FHIT: variants seen among roughly 807,000 people sequenced by gnomAD.
FHIT encodes the protein bis(5'-adenosyl)-triphosphatase.
Under a neutral mutation model 17.9 loss-of-function variants are expected in FHIT, and 19 were observed. The ratio of observed to expected loss-of-function variants is 1.06; its 90% CI spans 0.74 to 1.56. The LOEUF is 1.56. Ranked by LOEUF, FHIT falls within the 40% of genes most tolerant of loss-of-function variation. The pLI is 0.00. For missense variants in FHIT, 248 were observed against 189.2 expected (o/e 1.31, Z -1.82); for synonymous variants, 81 against 69.7 (o/e 1.16, Z -0.81).
intron 5 of FHIT, among the ~76,000 whole-genome samples, chr3:60,364,181 C>T (rs1700018441): frequency 6.6e-6 from 1 of 152,222 alleles, no homozygotes; most frequent in African/African-American, 2.4e-5. Context: ...TGCCTTTGGT[C>T]TAGGAATAAC....
intron 4 of FHIT, among the ~76,000 whole-genome samples, chr3:60,599,035 T>C (rs2038358114): frequency 6.6e-6 from 1 of 152,168 alleles, no homozygotes; most frequent in African/African-American, 2.4e-5. Flanking sequence ...AATGTATTAA[T>C]GTGCAGTGTT....
At chr3:60,314,969 T>C (rs1009117618) in intron 5 of FHIT, among the ~76,000 whole-genome samples, 42 of 152,290 alleles carry the variant, frequency 2.8e-4, no homozygotes, top group East Asian at 9.7e-4. Context: ...GAACTTACTA[T>C]GCCCAGGCCT....
intron 7 of FHIT, among the ~76,000 whole-genome samples, chr3:59,947,544 G>A (rs1037549005): frequency 6.6e-6 from 1 of 152,048 alleles, no homozygotes; most frequent in African/African-American, 2.4e-5. Flanking sequence ...TGCTCTGAGG[G>A]TTTGATTATG....
chr3:60,261,782 A>G (rs1210334962), intron 5 of FHIT, among the ~76,000 whole-genome samples: 2 of 151,978 alleles, frequency 1.3e-5, no homozygotes, highest in African/African-American at 4.8e-5. Context: ...TCTCCTCTGA[A>G]GCAGACTATA....
chr3:60,534,611 A>C (rs1177435637), intron 5 of FHIT, among the ~76,000 whole-genome samples: 2 of 152,170 alleles, frequency 1.3e-5, no homozygotes, highest in African/African-American at 4.8e-5. Flanking sequence ...AATTAGACTT[A>C]TAGAGTATAA....
intron 5 of FHIT, among the ~76,000 whole-genome samples, chr3:60,092,660 A>G (rs1455942487): frequency 6.6e-6 from 1 of 152,204 alleles, no homozygotes; most frequent in Non-Finnish European, 1.5e-5. Flanking sequence ...AAGAAATGGA[A>G]AGGAGAGTGA....
chr3:61,222,372 G>C lies in FHIT; in HGVS notation c.-212-21707C>G, dbSNP rs1023610474. ...CACCAGGGAGGTGGCCGGGTAAGGT[G>C]CCATGCTCACAGCAAGTATTCAACA... On this transcript the variant is annotated intron_variant, in intron 1 of 9. Transcript: ENST00000492590. Among the ~76,000 whole-genome samples the C allele has an allele frequency of 7.9e-5, 12 of 152,190 alleles. 1 individual carries two copies. Among genetic ancestry groups the C allele is most frequent in the African/African-American group, 2.7e-4 (11 of 41,438 alleles).
chr3:60,292,985 C>G (rs1708055746), intron 5 of FHIT, among the ~76,000 whole-genome samples: 3 of 152,104 alleles, frequency 2.0e-5, no homozygotes, highest in African/African-American at 7.2e-5. Flanking sequence ...AAAACATTCT[C>G]CATAGCAACA....
intron 5 of FHIT, among the ~76,000 whole-genome samples, chr3:60,156,855 C>T (rs1700720454): frequency 6.6e-6 from 1 of 152,026 alleles, no homozygotes; most frequent in Admixed American, 6.6e-5. Flanking sequence ...TGACTCTGTC[C>T]TCTTGGCAAC....
At chr3:60,949,087 G>A (rs1454357686) in intron 3 of FHIT, among the ~76,000 whole-genome samples, 1 of 152,130 alleles carries the variant, frequency 6.6e-6, no homozygotes, top group African/African-American at 2.4e-5. Context: ...AGTAGAAAAA[G>A]CGTTGACACT....
At chr3:61,243,496 G>A (rs368670258) in intron 1 of FHIT, among the ~76,000 whole-genome samples, 21 of 152,280 alleles carry the variant, frequency 1.4e-4, no homozygotes, top group South Asian at 4.1e-4. Context: ...GAGGATGGGG[G>A]TAGGAAGAAA....
At chr3:60,506,151 A>G (rs750662588) in intron 5 of FHIT, among the ~76,000 whole-genome samples, 5 of 152,134 alleles carry the variant, frequency 3.3e-5, no homozygotes, top group South Asian at 2.1e-4. Context: ...TGAGCTTTCC[A>G]TGTTATTTTA....
intron 2 of FHIT, among the ~76,000 whole-genome samples, chr3:61,131,398 A>G (rs2106956350): frequency 6.6e-6 from 1 of 152,346 alleles, no homozygotes; most frequent in South Asian, 2.1e-4. Context: ...GCTAGCATCC[A>G]TCTTTGGTTG....
intron 8 of FHIT, among the ~76,000 whole-genome samples, chr3:59,852,148 CA>C (rs1701967001): frequency 1.3e-5 from 2 of 152,266 alleles, no homozygotes; most frequent in South Asian, 4.1e-4. Context: ...AGCCACATTC[CA>C]TCTCCTTAGG....
chr3:60,581,350 C>G (rs547784205), intron 4 of FHIT, among the ~76,000 whole-genome samples: 157 of 152,150 alleles, frequency 1.0e-3, no homozygotes, highest in Non-Finnish European at 1.9e-3. Flanking sequence ...GAACTTAATT[C>G]TAGTACCTTG....
intron 7 of FHIT, among the ~76,000 whole-genome samples, chr3:59,940,693 G>A (rs952285007): frequency 6.6e-6 from 1 of 152,124 alleles, no homozygotes; most frequent in Non-Finnish European, 1.5e-5. Flanking sequence ...GAAGGCAGTC[G>A]AATATCTTAA....
intron 5 of FHIT, among the ~76,000 whole-genome samples, chr3:60,390,593 C>T (rs1403513480): frequency 6.6e-6 from 1 of 151,966 alleles, no homozygotes; most frequent in Non-Finnish European, 1.5e-5. Flanking sequence ...CAGTTCCATG[C>T]CTGTTACTGT....
chr3:60,456,573 G>GGCA (rs960895720), intron 5 of FHIT, among the ~76,000 whole-genome samples: 4 of 152,070 alleles, frequency 2.6e-5, no homozygotes, highest in African/African-American at 4.8e-5. Context: ...TTAAGTTAAT[G>GGCA]GCAGCAGCAG....
At chr3:61,132,631 A>G (rs931813906) in intron 2 of FHIT, among the ~76,000 whole-genome samples, 1 of 152,226 alleles carries the variant, frequency 6.6e-6, no homozygotes, top group Admixed American at 6.5e-5. Context: ...AAAGAAGGAT[A>G]GAGAAACCCA....
Sources: gnomAD v4.1 joint callset for allele counts (sites outside exome capture counted in the v4.1 genomes callset) on GRCh38, gnomAD v4.1.1 for gene constraint, MANE v1.5 for transcripts, NCBI Gene and HGNC (gene_info 2026-07-23, HGNC 2026-07-21) for gene names.